OSBPL5: variants seen among roughly 807,000 people sequenced by gnomAD.
OSBPL5 encodes oxysterol-binding protein-related protein 5.
A neutral mutation model predicts 111.2 loss-of-function variants in OSBPL5; 71 were observed. The observed-to-expected ratio is 0.64, with a 90% CI of 0.53 to 0.78. The LOEUF (loss-of-function observed/expected upper bound fraction) is 0.78. OSBPL5 is among the 30% of genes least tolerant of loss of function. The pLI is 0.00. For synonymous variants in OSBPL5, 549 were observed against 513.9 expected (o/e 1.07, Z -0.93); for missense variants, 1,210 against 1,189.3 (o/e 1.02, Z -0.26).
chr11:3,093,560 G>A lies in OSBPL5; in HGVS notation c.1913C>T (p.Pro638Leu), dbSNP rs536033266. Residue 638 changes from proline to leucine, a missense_variant, in exon 17 of 22, where the codon CCG becomes CTG. Coordinates refer to ENST00000263650, the MANE Select transcript of OSBPL5 (RefSeq NM_020896.4). ...RRQRLRQHTVPLEEQTELESE... is the reference protein window; with the variant it reads ...RRQRLRQHTVLLEEQTELESE... ...CTCCAGCTCCGTCTGCTCCTCCAGC[G>A]GCACCGTGTGCTGCCTCAGCCTCTG... is the stretch of plus-strand genomic sequence containing the variant. 36 of 1,611,458 alleles carry A rather than the reference G, an allele frequency of 2.2e-5. No homozygotes were observed. The highest frequency in any genetic ancestry group is 1.6e-4 in the East Asian group (7 of 44,874).
In OSBPL5 at chr11:3,121,337, T is replaced by C. The variant is rs376258680; in HGVS notation, c.402+660A>G. 2.0e-5 allele frequency among the ~76,000 whole-genome samples: 3 copies of C among 152,250 alleles called. No individual in the cohort carries two copies. Among genetic ancestry groups the C allele is most frequent in the Admixed American group, 6.5e-5 (1 of 15,294 alleles). ...CCTCCCAAAGTGTTGGGATTACAGG[T>C]GTGAGCCACTGCACCCGGCCTGGCA... On this transcript the variant is annotated intron_variant, in intron 5 of 21. Transcript: ENST00000263650. The surrounding 1 kb of genome is among the most constrained non-coding windows in gnomAD (Gnocchi z 4.3).
At chr11:3,159,062 G>A (rs1846874825) in intron 1 of OSBPL5, among the ~76,000 whole-genome samples, 1 of 152,184 alleles carries the variant, frequency 6.6e-6, no homozygotes, top group Admixed American at 6.5e-5. Context: ...CCGTCTCAGA[G>A]GGGAGCCTGT....
rs908360270 is a variant in OSBPL5, at chr11:3,161,936, G to A, written c.-22+3280C>T. Among the ~76,000 whole-genome samples, 7 of 151,834 alleles carry A rather than the reference G, an allele frequency of 4.6e-5. No homozygotes were observed. Among genetic ancestry groups the A allele is most frequent in the Non-Finnish European group, 8.8e-5 (6 of 67,952 alleles). ...TGCAAAGGCCCTGGAGTAAGAAGCC[G>A]GGGCTGACGCCAGACCCCTGTGAGC... On this transcript the variant is annotated intron_variant, in intron 1 of 21. Coordinates refer to ENST00000263650, the MANE Select transcript of OSBPL5 (RefSeq NM_020896.4). This position sits in a 1 kb window ranked among gnomAD's most constrained non-coding sequence, Gnocchi z 8.0.
At chr11:3,100,018 C>CAAA (rs398015214) in intron 14 of OSBPL5, 140 bp downstream of exon 14, 5,009 of 449,186 alleles carry the variant, frequency 0.011, 2 homozygotes, top group South Asian at 0.013. Flanking sequence ...AACTCCATCT[C>CAAA]AAAAAAAAAA....
chr11:3,108,640 AC>A (rs1432423044), intron 7 of OSBPL5, among the ~76,000 whole-genome samples: 1 of 152,170 alleles, frequency 6.6e-6, no homozygotes, highest in African/African-American at 2.4e-5. Flanking sequence ...TGACAGCACC[AC>A]CCAAGGGTCC....
chr11:3,126,734 A>G lies in OSBPL5; in HGVS notation c.137-179T>C. ...CTGAGAGGTGTAATAAACGCCAGCA[A>G]GCGTCACTGTGGGAGGAGTGTGCCA... On this transcript the variant is annotated intron_variant, in intron 2 of 21. Transcript: ENST00000263650. The surrounding 1 kb of genome is among the most constrained non-coding windows in gnomAD (Gnocchi z 6.5). 3.9e-6 allele frequency: 2 copies of G among 512,324 alleles called. No individual in the cohort carries two copies. Among genetic ancestry groups the G allele is most frequent in the South Asian group, 4.9e-5 (2 of 40,634 alleles). 31.7% of individuals were successfully genotyped at this position (512,324 alleles called of 1,614,324 possible).
intron 1 of OSBPL5, among the ~76,000 whole-genome samples, chr11:3,163,563 G>T (rs1847027818): frequency 6.6e-6 from 1 of 152,224 alleles, no homozygotes; most frequent in Admixed American, 6.5e-5. Context: ...ATTCTGTAAA[G>T]AGCTGAAAGC....
chr11:3,150,037 T>G (rs929368210), intron 1 of OSBPL5, among the ~76,000 whole-genome samples: 1 of 152,058 alleles, frequency 6.6e-6, no homozygotes, highest in Non-Finnish European at 1.5e-5. Context: ...CAGATGTGCA[T>G]GCACACACAC....
At chr11:3,164,832 T>C (rs1847065406) in intron 1 of OSBPL5, among the ~76,000 whole-genome samples, 1 of 152,094 alleles carries the variant, frequency 6.6e-6, no homozygotes, top group Admixed American at 6.5e-5. Flanking sequence ...TTGGCCAGGG[T>C]TTGTGGTGGT....
In OSBPL5 at chr11:3,126,551, C is replaced by T; in HGVS notation, c.141G>A (p.Lys47=). ...GCGACGGGCCGTTGGGCTCCATGTC[C>T]TTCCCTGCAAGAGAGCAGTGGGAGT... The part of the protein sequence containing the change: ...DNELYPLSPG[K]DMEPNGPSLP... Residue 47 remains lysine (K), a synonymous_variant, in exon 3 of 22, where the codon AAG becomes AAA. Transcript: ENST00000263650. This position sits in a 1 kb window ranked among gnomAD's most constrained non-coding sequence, Gnocchi z 6.5. The T allele has an allele frequency of 1.9e-6, 3 of 1,607,604 alleles. No individual in the cohort carries two copies. Among genetic ancestry groups the T allele is most frequent in the Non-Finnish European group, 2.5e-6 (3 of 1,178,060 alleles).
chr11:3,142,170 C>T lies in OSBPL5; in HGVS notation c.-21-13001G>A, dbSNP rs917903434. On this transcript the variant is annotated intron_variant, in intron 1 of 21. Transcript: ENST00000263650. This position sits in a 1 kb window ranked among gnomAD's most constrained non-coding sequence, Gnocchi z 7.1. ...CCGACCTCAAGTGATCTGCCCTCCT[C>T]GGCGTCCCAAAGTGCTGGGATTACA... Among the ~76,000 whole-genome samples, 9 of 152,328 alleles carry T rather than the reference C, an allele frequency of 5.9e-5. No homozygotes were observed. Among genetic ancestry groups the T allele is most frequent in the Non-Finnish European group, 8.8e-5 (6 of 68,028 alleles).
At chr11:3,090,828 G>T in intron 19 of OSBPL5, 132 bp from the exon 20 acceptor site, 1 of 1,252,494 alleles carries the variant, frequency 8.0e-7, no homozygotes. Context: ...CTGCTGGGCT[G>T]TGGAGCTGGC....
At chr11:3,098,146 G>A (rs1269887902) in intron 14 of OSBPL5, among the ~76,000 whole-genome samples, 2 of 150,814 alleles carry the variant, frequency 1.3e-5, no homozygotes, top group Non-Finnish European at 2.9e-5. Context: ...AACTTCTTGG[G>A]AAACAATATA....
At chr11:3,100,523 C>T (rs1457924275) in intron 13 of OSBPL5, among the ~76,000 whole-genome samples, 5 of 152,250 alleles carry the variant, frequency 3.3e-5, no homozygotes, top group African/African-American at 1.2e-4. Flanking sequence ...ACTGCAGATT[C>T]GCAGGGTGGA....
Position 3,121,909 on chromosome 11 carries a change from G to A in OSBPL5, c.402+88C>T, listed in dbSNP as rs190261707. ...AGATGCAGGGAAGTGAATTTCCATCGTTTCAGGCCACCTGGTTTATGGTCC... is the reference window on the plus strand; with the variant it reads ...AGATGCAGGGAAGTGAATTTCCATCATTTCAGGCCACCTGGTTTATGGTCC... On this transcript the variant is annotated intron_variant, in intron 5 of 21. Transcript: ENST00000263650. This position sits in a 1 kb window ranked among gnomAD's most constrained non-coding sequence, Gnocchi z 4.3. 390 of 1,225,172 alleles carry A rather than the reference G, an allele frequency of 3.2e-4. No homozygotes were observed. Among genetic ancestry groups the A allele is most frequent in the Middle Eastern group, 5.7e-4 (3 of 5,244 alleles). 75.9% of individuals were successfully genotyped at this position (1,225,172 alleles called of 1,614,324 possible).
rs763470706 is a variant in OSBPL5, at chr11:3,092,528, G to A, written c.2163C>T (p.Ile721=). The part of the protein sequence containing the change: ...DHSPWDPLKD[I]AQFEQDGILR... ...GGATCCCGTCTTGCTCAAACTGGGC[G>A]ATGTCCTTCAGGGGGTCCCAGGGGC... is the stretch of plus-strand genomic sequence containing the variant. The change falls in exon 19 of 22, where the codon ATC becomes ATT. Residue 721 remains isoleucine, a synonymous_variant. Transcript: ENST00000263650. The surrounding 1 kb of genome is among the most constrained non-coding windows in gnomAD (Gnocchi z 5.4). 1.2e-5 allele frequency: 19 copies of A among 1,589,934 alleles called. No individual in the cohort carries two copies. The highest frequency in any genetic ancestry group is 2.7e-5 in the African/African-American group (2 of 74,480).
intron 17 of OSBPL5, chr11:3,093,261 G>T: frequency 1.4e-6 from 1 of 735,718 alleles, no homozygotes; most frequent in Non-Finnish European, 2.2e-6. Flanking sequence ...TCTCCCGCCT[G>T]CAGGGACCTC....
chr11:3,096,979 A>G (rs1267950748), intron 14 of OSBPL5, among the ~76,000 whole-genome samples: 2 of 114,948 alleles, frequency 1.7e-5, no homozygotes, highest in African/African-American at 6.7e-5. Context: ...AAAGAGGGGG[A>G]AGGTGGGAGG....
intron 14 of OSBPL5, among the ~76,000 whole-genome samples, chr11:3,098,999 T>C (rs7127543): frequency 0.81 from 122,702 of 151,920 alleles, 49,650 homozygotes; most frequent in South Asian, 0.86. Context: ...GACAGGGTTT[T>C]GCCATGTTGC....
Sources: gnomAD v4.1 joint callset for allele counts (sites outside exome capture counted in the v4.1 genomes callset) on GRCh38, gnomAD v4.1.1 for gene constraint, Gnocchi (gnomAD v3.1) non-coding constraint, MANE v1.5 for transcripts, NCBI Gene and HGNC (gene_info 2026-07-23, HGNC 2026-07-21) for gene names.